CADM2: variants seen among roughly 807,000 people sequenced by gnomAD.
The protein encoded by CADM2 is immunoglobulin superfamily member 4D.
In CADM2, 12 loss-of-function variants were observed where a neutral mutation model predicts 49.8. The observed-to-expected ratio is 0.24, with a 90% CI of 0.15 to 0.39. CADM2 has a LOEUF of 0.39. Ranked by LOEUF, CADM2 falls within the 10% of genes least tolerant of loss-of-function variation. The probability of loss-of-function intolerance (pLI) is 1.00; values close to 1 mark genes in which losing one functional copy is unlikely to be tolerated. For missense variants in CADM2, 378 were observed against 492.3 expected (o/e 0.77, Z 2.20); for synonymous variants, 214 against 175.4 (o/e 1.22, Z -1.74).
chr3:85,750,133 C>T (rs34666213), intron 2 of CADM2, among the ~76,000 whole-genome samples: 1,624 of 151,920 alleles, frequency 0.011, 13 homozygotes, highest in Admixed American at 0.017. Context: ...TTTTTTGTAT[C>T]CCATATCTTT....
At chr3:85,071,015 T>TAAATAAATAAAC (rs1553679020) in intron 1 of CADM2, among the ~76,000 whole-genome samples, 3 of 150,176 alleles carry the variant, frequency 2.0e-5, no homozygotes, top group Non-Finnish European at 4.4e-5. Context: ...AATAAATAAA[T>TAAATAAATAAAC]AAATAAACAA....
chr3:85,821,661 G>T (rs1005655537), intron 3 of CADM2, among the ~76,000 whole-genome samples: 2 of 152,064 alleles, frequency 1.3e-5, no homozygotes, highest in African/African-American at 4.8e-5. Context: ...TCTGAACAAG[G>T]TCTAGGTGTG....
intron 1 of CADM2, among the ~76,000 whole-genome samples, chr3:85,397,448 G>C (rs568337697): frequency 4.6e-5 from 7 of 152,066 alleles, no homozygotes; most frequent in Non-Finnish European, 7.4e-5. Flanking sequence ...TAGCAGGATT[G>C]TTCACAATAG....
intron 1 of CADM2, among the ~76,000 whole-genome samples, chr3:85,617,368 A>G (rs1448731510): frequency 6.6e-6 from 1 of 152,176 alleles, no homozygotes; most frequent in Non-Finnish European, 1.5e-5. Flanking sequence ...AAAGCATACA[A>G]ATAAACAGCC....
Position 85,278,315 on chromosome 3 carries a change from C to T in CADM2, c.61+318647C>T, listed in dbSNP as rs1338544361. Among the ~76,000 whole-genome samples, 4 of 151,516 alleles carry T rather than the reference C, an allele frequency of 2.6e-5. No homozygotes were observed. The East Asian group carries it at 7.8e-4, about 29-fold the overall frequency. On this transcript the variant is annotated intron_variant, in intron 1 of 9. Coordinates refer to ENST00000383699, the MANE Select transcript of CADM2 (RefSeq NM_001167675.2). ...TCTCCCATTCCCAGTCCCACCTCTA[C>T]AGCTCTTTTAAATAATCGTTACATA...
rs182545248 is a variant in CADM2 at position 85,987,218 on chromosome 3, G to A, written c.970+25571G>A. Among the ~76,000 whole-genome samples the A allele has an allele frequency of 7.9e-3, 1,202 of 152,110 alleles. 6 individuals carry two copies. The highest frequency in any genetic ancestry group is 0.014 in the Middle Eastern group (4 of 292). On this transcript the variant is annotated intron_variant, in intron 8 of 9. Coordinates refer to ENST00000383699, the MANE Select transcript of CADM2 (RefSeq NM_001167675.2). ...CCACTATTACCTATTAAAGGAAGCA[G>A]AACATTTATGCTCTCTTCTATTTTC...
chr3:85,039,487 A>G (rs2035355133), intron 1 of CADM2, among the ~76,000 whole-genome samples: 1 of 152,254 alleles, frequency 6.6e-6, no homozygotes, highest in East Asian at 1.9e-4. Flanking sequence ...GCTTTTCCAA[A>G]TAATTCAAGT....
chr3:85,111,298 T>G (rs2038447963), intron 1 of CADM2, among the ~76,000 whole-genome samples: 3 of 151,902 alleles, frequency 2.0e-5, no homozygotes, highest in Non-Finnish European at 4.4e-5. Context: ...TTAAATTTTT[T>G]TAAAACTAAC....
chr3:85,384,898 A>G (rs1463009337), intron 1 of CADM2, among the ~76,000 whole-genome samples: 1 of 151,884 alleles, frequency 6.6e-6, no homozygotes, highest in East Asian at 1.9e-4. Flanking sequence ...ATGTTTTCCT[A>G]TATCCTCCAA....
chr3:85,692,087 G>T (rs376081410), intron 1 of CADM2, among the ~76,000 whole-genome samples: 1 of 152,054 alleles, frequency 6.6e-6, no homozygotes. Context: ...TAACAAACCT[G>T]CACAATGTGC....
At chr3:85,248,939 T>G (rs1277860632) in intron 1 of CADM2, among the ~76,000 whole-genome samples, 6 of 152,156 alleles carry the variant, frequency 3.9e-5, no homozygotes, top group African/African-American at 1.4e-4. Context: ...CAATGAAATT[T>G]AAGCAATCTG....
chr3:85,132,949 T>C (rs2039282090), intron 1 of CADM2, among the ~76,000 whole-genome samples: 1 of 152,112 alleles, frequency 6.6e-6, no homozygotes, highest in African/African-American at 2.4e-5. Flanking sequence ...TTGTTCCTTC[T>C]GATATTCGGA....
chr3:85,575,801 T>C (rs984857239), intron 1 of CADM2, among the ~76,000 whole-genome samples: 1 of 152,134 alleles, frequency 6.6e-6, no homozygotes, highest in Non-Finnish European at 1.5e-5. Flanking sequence ...ATATTACAGA[T>C]AGATTTTAAA....
chr3:85,276,458 A>C (rs1050708299), intron 1 of CADM2, among the ~76,000 whole-genome samples: 5 of 151,366 alleles, frequency 3.3e-5, no homozygotes, highest in African/African-American at 1.2e-4. Context: ...TAATCTCTCA[A>C]GGAATTAAAT....
At chr3:85,464,843 G>T (rs2038413994) in intron 1 of CADM2, among the ~76,000 whole-genome samples, 1 of 152,096 alleles carries the variant, frequency 6.6e-6, no homozygotes, top group South Asian at 2.1e-4. Context: ...TCAATATATA[G>T]TCAATTGGCT....
chr3:85,521,036 C>T (rs1276369310), intron 1 of CADM2, among the ~76,000 whole-genome samples: 1 of 151,958 alleles, frequency 6.6e-6, no homozygotes, highest in Non-Finnish European at 1.5e-5. Context: ...CATGATACAC[C>T]ATCTGATTTC....
At chr3:85,251,734 T>G (rs2042778571) in intron 1 of CADM2, among the ~76,000 whole-genome samples, 1 of 152,008 alleles carries the variant, frequency 6.6e-6, no homozygotes, top group African/African-American at 2.4e-5. Flanking sequence ...CACTGGCATA[T>G]TTTTCTACTC....
At chr3:85,814,953 G>T (rs1577379223) in intron 3 of CADM2, among the ~76,000 whole-genome samples, 2 of 151,992 alleles carry the variant, frequency 1.3e-5, no homozygotes, top group East Asian at 3.9e-4. Flanking sequence ...TACCATCAGA[G>T]AATACTATAA....
intron 1 of CADM2, among the ~76,000 whole-genome samples, chr3:85,700,068 A>G (rs1480764707): frequency 6.6e-6 from 1 of 152,206 alleles, no homozygotes; most frequent in African/African-American, 2.4e-5. Context: ...CACAAAAGCA[A>G]AGACTTGGAA....
Sources: gnomAD v4.1 joint callset for allele counts (sites outside exome capture counted in the v4.1 genomes callset) on GRCh38, gnomAD v4.1.1 for gene constraint, MANE v1.5 for transcripts, NCBI Gene and HGNC (gene_info 2026-07-23, HGNC 2026-07-21) for gene names.